The following FZR1 variants were observed in gnomAD, a reference collection of about 807,000 sequenced individuals.
The protein encoded by FZR1 is fizzy and cell division cycle 20 related 1.
FZR1 carries 11 observed loss-of-function variants against 63.6 expected under a neutral mutation model. The ratio of observed to expected loss-of-function variants is 0.17; its 90% CI spans 0.11 to 0.29. The LOEUF (loss-of-function observed/expected upper bound fraction) is 0.29, where lower values mean the gene tolerates loss of function less well. Among genes scored for constraint, FZR1 ranks in the 10% least tolerant of loss-of-function variants. The pLI, the probability that FZR1 is intolerant of heterozygous loss-of-function variation, is 1.00. For synonymous variants in FZR1, 328 were observed against 297.9 expected (o/e 1.10, Z -1.04); for missense variants, 440 against 687.5 (o/e 0.64, Z 4.03).
rs1198520342 is a variant in FZR1 at position 3,515,495 on chromosome 19, G to A, written c.-34-7461G>A. On this transcript the variant is annotated intron_variant, in intron 1 of 13. Transcript: ENST00000441788. This position sits in a 1 kb window ranked among gnomAD's most constrained non-coding sequence, Gnocchi z 4.6. ...AGAATTCTAGAAGTACAGGCCGGGC[G>A]CGGTGGCTCACGCTTGTAATCCCAG... is the stretch of plus-strand genomic sequence containing the variant. Among the ~76,000 whole-genome samples, 3 of 152,130 alleles carry A rather than the reference G, an allele frequency of 2.0e-5. No individual in the cohort carries two copies. The highest frequency in any genetic ancestry group is 1.9e-4 in the East Asian group (1 of 5,192).
At position 3,526,905 on chromosome 19, in the gene FZR1, G is replaced by C; in HGVS notation, c.388-75G>C. 1 of 1,000,130 alleles carries C rather than the reference G, an allele frequency of 1.0e-6. No individual in the cohort carries two copies. The highest frequency in any genetic ancestry group is 1.6e-6 in the Non-Finnish European group (1 of 634,464). 62.0% of individuals were successfully genotyped at this position (1,000,130 alleles called of 1,614,324 possible). A position where few individuals can be genotyped will look rare whatever the true frequency, so the allele number is the denominator to read the frequency against. The stretch of plus-strand genomic sequence containing the variant: ...CTTAGGGCTATGAGCTGTACCGGGA[G>C]CGTGGGCTGCTGGGGGGCTCTGAGG... On this transcript the variant is annotated intron_variant, in intron 5 of 13. Coordinates refer to ENST00000441788, the MANE Select transcript of FZR1 (RefSeq NM_016263.4). The surrounding 1 kb of genome is among the most constrained non-coding windows in gnomAD (Gnocchi z 5.4).
In FZR1 at chr19:3,533,223, A is replaced by G. The variant is rs2083265564; in HGVS notation, c.1243-71A>G. 19 of 923,774 alleles carry G rather than the reference A, an allele frequency of 2.1e-5. No individual in the cohort carries two copies. The South Asian group carries it at 2.1e-4, about 10-fold the overall frequency. 57.2% of individuals were successfully genotyped at this position (923,774 alleles called of 1,614,324 possible). On this transcript the variant is annotated intron_variant, in intron 11 of 13. Transcript: ENST00000441788. This position sits in a 1 kb window ranked among gnomAD's most constrained non-coding sequence, Gnocchi z 4.9. ...CTCTCACATGGGCTCAGGCGGGTGC[A>G]TGTGAGGCAGCAGGCATAGCACCCG...
intron 2 of FZR1, among the ~76,000 whole-genome samples, chr19:3,523,371 A>C (rs1248690769): frequency 6.6e-6 from 1 of 152,156 alleles, no homozygotes; most frequent in Non-Finnish European, 1.5e-5. Context: ...TCCTGTCTCC[A>C]AGCCCCAGGC....
chr19:3,531,658 G>A, intron 8 of FZR1, 56 bp from the exon 9 acceptor site: 1 of 1,287,138 alleles, frequency 7.8e-7, no homozygotes, highest in Non-Finnish European at 1.1e-6. Context: ...GCCAGGACGG[G>A]CACAGTCCCC....
rs769917168 is a variant in FZR1, at chr19:3,526,345, A to G, written c.346A>G (p.Arg116Gly). 1.9e-6 allele frequency: 3 copies of G among 1,600,572 alleles called. No individual in the cohort carries two copies. The highest frequency in any genetic ancestry group is 1.7e-5 in the Admixed American group (1 of 58,456). Residue 116 changes from arginine to glycine, a missense_variant, in exon 5 of 14, where the codon AGG becomes GGG. By Grantham distance (125) the Arg-to-Gly change is moderately radical. This residue lies in a region of FZR1 where 200 missense variants were observed against 245.1 expected (regional missense o/e 0.82). Coordinates refer to ENST00000441788, the MANE Select transcript of FZR1 (RefSeq NM_016263.4). This position sits in a 1 kb window ranked among gnomAD's most constrained non-coding sequence, Gnocchi z 5.4. ...GCAGGACCCGCAGACTGAGGACCGCAGGCTGCAGCCCTCCACGCCTGAGAA... is the reference window on the plus strand; with the variant it reads ...GCAGGACCCGCAGACTGAGGACCGCGGGCTGCAGCCCTCCACGCCTGAGAA... ...KVQDPQTEDR[R>G]LQPSTPEKKG... is the part of the protein sequence containing the mutation.
chr19:3,513,158 G>A (rs549356550), intron 1 of FZR1, among the ~76,000 whole-genome samples: 5 of 152,194 alleles, frequency 3.3e-5, no homozygotes, highest in African/African-American at 1.2e-4. Context: ...TGCAGGGGTT[G>A]GGACCTGTGA....
intron 12 of FZR1, chr19:3,534,215 C>T (rs1391186410): frequency 1.2e-5 from 6 of 500,996 alleles, no homozygotes; most frequent in African/African-American, 2.2e-5. Context: ...GAGCCAGACC[C>T]CGTCTTAAAA....
intron 1 of FZR1, among the ~76,000 whole-genome samples, chr19:3,509,260 C>T (rs867948540): frequency 8.5e-5 from 13 of 152,230 alleles, no homozygotes; most frequent in African/African-American, 2.9e-4. Flanking sequence ...TCCTCTGCCT[C>T]AGTGTCCTCA....
At chr19:3,520,179 C>T (rs1043371121) in intron 1 of FZR1, among the ~76,000 whole-genome samples, 6 of 152,162 alleles carry the variant, frequency 3.9e-5, no homozygotes, top group African/African-American at 1.2e-4. Context: ...CAGGAGTGGT[C>T]GGGTGTGGTG....
intron 1 of FZR1, among the ~76,000 whole-genome samples, chr19:3,507,852 C>T (rs2082996563): frequency 6.6e-6 from 1 of 152,232 alleles, no homozygotes; most frequent in African/African-American, 2.4e-5. Flanking sequence ...TTGGCGACAC[C>T]CGATTGTCAT....
chr19:3,517,273 G>A (rs761062245), intron 1 of FZR1, among the ~76,000 whole-genome samples: 4 of 152,150 alleles, frequency 2.6e-5, no homozygotes, highest in African/African-American at 4.8e-5. Context: ...ACCTGTGGTC[G>A]CAGCTCCTCC....
chr19:3,520,984 T>C (rs1372412735), intron 1 of FZR1, among the ~76,000 whole-genome samples: 4 of 152,200 alleles, frequency 2.6e-5, no homozygotes, highest in Admixed American at 2.6e-4. Flanking sequence ...GTGTCTGGTG[T>C]CTCTCACAGG....
Position 3,537,809 on chromosome 19 carries a change from C to G in FZR1, c.*2973C>G, listed in dbSNP as rs2030042755. 6.6e-6 allele frequency: 1 copy of G among 152,548 alleles called. No homozygotes were observed. The highest frequency in any genetic ancestry group is 2.4e-5 in the African/African-American group (1 of 41,396). The allele number at this position is 152,548 out of a possible 1,614,324, so 9.4% of individuals were successfully genotyped here. On this transcript the variant is annotated 3_prime_UTR_variant, in exon 14 of 14. Coordinates refer to ENST00000441788, the MANE Select transcript of FZR1 (RefSeq NM_016263.4). Reference sequence around the variant, plus strand: ...GCCCATGTGGAGCTGGCATGGGGGACACAGCCCAGAGACAGAGAAGCTTAT... The same window carrying G: ...GCCCATGTGGAGCTGGCATGGGGGAGACAGCCCAGAGACAGAGAAGCTTAT...
In FZR1 at chr19:3,530,246, A is replaced by T. The variant is rs1227255220; in HGVS notation, c.655-546A>T. 4.0e-5 allele frequency among the ~76,000 whole-genome samples: 5 copies of T among 124,186 alleles called. No homozygotes were observed. In the East Asian group the frequency reaches 7.9e-4, roughly 20 times the overall value. 81.5% of individuals were successfully genotyped at this position (124,186 alleles called of 152,430 possible). On this transcript the variant is annotated intron_variant, in intron 7 of 13. Coordinates refer to ENST00000441788, the MANE Select transcript of FZR1 (RefSeq NM_016263.4). ...GATGGGTGAGCGGATGGGAGAGCAG[A>T]TGGGTGAGCGGATGGGAGAGCGGAT... is the stretch of plus-strand genomic sequence containing the variant.
At chr19:3,519,326 C>A (rs745515819) in intron 1 of FZR1, among the ~76,000 whole-genome samples, 4 of 152,258 alleles carry the variant, frequency 2.6e-5, no homozygotes, top group Non-Finnish European at 4.4e-5. Context: ...CCTGCGGCAG[C>A]CGCGTCTACG....
intron 1 of FZR1, among the ~76,000 whole-genome samples, chr19:3,517,682 CTA>C (rs1260674776): frequency 1.3e-5 from 2 of 151,894 alleles, no homozygotes; most frequent in African/African-American, 4.8e-5. Flanking sequence ...GAGTGAGACT[CTA>C]TCTCAGAAAA....
At chr19:3,522,289 C>T (rs185546007) in intron 1 of FZR1, among the ~76,000 whole-genome samples, 2 of 152,174 alleles carry the variant, frequency 1.3e-5, no homozygotes, top group African/African-American at 2.4e-5. Flanking sequence ...ACGTTCTTTG[C>T]GGTCTCCTCA....
chr19:3,520,987 C>G (rs897992778), intron 1 of FZR1, among the ~76,000 whole-genome samples: 1 of 152,232 alleles, frequency 6.6e-6, no homozygotes, highest in Non-Finnish European at 1.5e-5. Context: ...TCTGGTGTCT[C>G]TCACAGGGTG....
rs776358889 is a variant in FZR1, at chr19:3,532,436, C to G, written c.1028C>G (p.Ser343Trp). 1.9e-6 allele frequency: 3 copies of G among 1,592,522 alleles called. No homozygotes were observed. Among genetic ancestry groups the G allele is most frequent in the Non-Finnish European group, 2.6e-6 (3 of 1,168,176 alleles). Residue 343 changes from serine (S) to tryptophan (W), a missense_variant, in exon 11 of 14, where the codon TCG becomes TGG. Ser to Trp is a radical substitution (Grantham distance 177, BLOSUM62 -3). Around this residue, in one of 5 missense-constraint regions of FZR1, gnomAD observed 208 missense variants for 363.6 expected, o/e 0.57. Coordinates refer to ENST00000441788, the MANE Select transcript of FZR1 (RefSeq NM_016263.4). ...NDNKLLVWNH[S>W]SLSPVQQYTE... The stretch of plus-strand genomic sequence containing the variant: ...CCCCAGCTGCTGGTCTGGAATCACT[C>G]GAGCCTGAGCCCCGTGCAGCAGTAC...
Sources: allele counts gnomAD v4.1 joint callset (sites outside exome capture counted in the v4.1 genomes callset), GRCh38; gene constraint gnomAD v4.1.1; regional missense constraint gnomAD v4.1.1; non-coding constraint Gnocchi (gnomAD v3.1); transcripts MANE v1.5; gene names NCBI Gene and HGNC (gene_info 2026-07-23, HGNC 2026-07-21).